Variants in NDST3 observed in about 807,000 individuals in gnomAD.
NDST3 encodes N-deacetylase and N-sulfotransferase 3.
A neutral mutation model predicts 96.1 loss-of-function variants in NDST3; 58 were observed. The observed-to-expected ratio is 0.60, with a 90% CI of 0.49 to 0.75. The LOEUF (loss-of-function observed/expected upper bound fraction) is 0.75. Among genes scored for constraint, NDST3 ranks in the 30% least tolerant of loss-of-function variants. The pLI is 0.00. For missense variants in NDST3, 788 were observed against 1,034.2 expected, an observed-to-expected ratio of 0.76 and a Z score of 3.27; for synonymous variants, 333 against 359.7, an observed-to-expected ratio of 0.93 and a Z score of 0.84.
chr4:118,180,731 G>A (rs932109291), intron 6 of NDST3, among the ~76,000 whole-genome samples: 1 of 152,154 alleles, frequency 6.6e-6, no homozygotes, highest in Non-Finnish European at 1.5e-5. Flanking sequence ...TCTAGAGGCT[G>A]GTGGGTGACC....
At chr4:118,192,888 T>A (rs1404958756) in intron 6 of NDST3, among the ~76,000 whole-genome samples, 2 of 151,958 alleles carry the variant, frequency 1.3e-5, no homozygotes, top group Middle Eastern at 3.2e-3. Flanking sequence ...GTGGTCACCA[T>A]GACACCAGGA....
At position 118,054,087 on chromosome 4, in the gene NDST3, A is replaced by G. The variant is rs10012897; in HGVS notation, c.177A>G (p.Pro59=). Residue 59 remains proline, a synonymous_variant, in exon 2 of 14, where the codon CCA becomes CCG. Coordinates refer to ENST00000296499, the MANE Select transcript of NDST3 (RefSeq NM_004784.3). ...ACTGTGGCGACCTCCAACACCTACC[A>G]TATCAACTAATGGAAGTGAAAGCAA... is the stretch of plus-strand genomic sequence containing the variant. The part of the protein sequence containing the change: ...EVDCGDLQHL[P]YQLMEVKAMK... 7.1e-3 allele frequency: 11,445 copies of G among 1,612,912 alleles called. 642 individuals are homozygous for G. In the African/African-American group the frequency reaches 0.13, roughly 18 times the overall value.
chr4:118,144,745 TAA>T lies in NDST3; in HGVS notation c.1539+1072_1539+1073del, dbSNP rs11298940. Among the ~76,000 whole-genome samples the T allele has an allele frequency of 1.6e-3, 236 of 150,356 alleles. 2 individuals are homozygous for T. Among genetic ancestry groups the T allele is most frequent in the African/African-American group, 4.7e-3 (193 of 40,904 alleles). On this transcript the variant is annotated intron_variant, in intron 6 of 13. Coordinates refer to ENST00000296499, the MANE Select transcript of NDST3 (RefSeq NM_004784.3). ...GAAAAAAAATTATTATTTCCAAATG[TAA>T]AAAAAAAAAATTATCAGTGAAAAAA...
At chr4:118,238,841 C>A (rs1466856308) in intron 10 of NDST3, among the ~76,000 whole-genome samples, 5 of 152,174 alleles carry the variant, frequency 3.3e-5, no homozygotes, top group African/African-American at 1.2e-4. Flanking sequence ...CGCAGAGAAG[C>A]CCAAATACCA....
intron 6 of NDST3, among the ~76,000 whole-genome samples, chr4:118,152,521 T>C (rs1204057275): frequency 6.6e-6 from 1 of 152,186 alleles, no homozygotes; most frequent in East Asian, 1.9e-4. Context: ...CAGTTGACAA[T>C]TGGTAACCAA....
intron 4 of NDST3, among the ~76,000 whole-genome samples, chr4:118,128,709 C>G (rs28851582): frequency 0.035 from 5,391 of 151,902 alleles, 140 homozygotes; most frequent in African/African-American, 0.072. Context: ...ATAGAATGAG[C>G]TTAGAAGTAT....
chr4:118,129,836 A>C (rs145489123), intron 4 of NDST3, among the ~76,000 whole-genome samples: 303 of 152,126 alleles, frequency 2.0e-3, no homozygotes, highest in African/African-American at 7.0e-3. Context: ...CTTTAGCTCT[A>C]ATAATATTTT....
chr4:118,232,384 C>G (rs1740357617), intron 8 of NDST3, among the ~76,000 whole-genome samples: 1 of 151,944 alleles, frequency 6.6e-6, no homozygotes, highest in African/African-American at 2.4e-5. Context: ...AATCCCAGCA[C>G]TTTAGGGGGC....
At chr4:118,033,555 C>T (rs560107433), upstream of NDST3, 5 of 151,900 alleles carry the variant, frequency 3.3e-5, no homozygotes, top group South Asian at 1.0e-3. Flanking sequence ...CCCTCCCCTT[C>T]CCCGGGGCGG....
intron 2 of NDST3, among the ~76,000 whole-genome samples, chr4:118,101,368 G>GAAAAAAA (rs67248472): frequency 7.1e-6 from 1 of 141,546 alleles, no homozygotes; most frequent in Non-Finnish European, 1.5e-5. Flanking sequence ...ATGAAGACTT[G>GAAAAAAA]AAAAAAAAAA....
chr4:118,238,347 T>A (rs1740817479), intron 10 of NDST3, among the ~76,000 whole-genome samples: 1 of 152,188 alleles, frequency 6.6e-6, no homozygotes, highest in Non-Finnish European at 1.5e-5. Context: ...ACAAAAACGA[T>A]CACTTTGAAA....
At chr4:118,154,080 G>A (rs1235716778) in intron 6 of NDST3, among the ~76,000 whole-genome samples, 2 of 151,924 alleles carry the variant, frequency 1.3e-5, no homozygotes, top group Non-Finnish European at 2.9e-5. Flanking sequence ...CACACACAGA[G>A]ACACAACACA....
At chr4:118,065,540 G>A (rs1726243554) in intron 2 of NDST3, among the ~76,000 whole-genome samples, 1 of 152,028 alleles carries the variant, frequency 6.6e-6, no homozygotes, top group African/African-American at 2.4e-5. Flanking sequence ...CATGTTTCTA[G>A]AAGTGCATCA....
intron 6 of NDST3, among the ~76,000 whole-genome samples, chr4:118,157,411 T>C (rs900142088): frequency 1.4e-5 from 2 of 142,424 alleles, no homozygotes; most frequent in Non-Finnish European, 3.0e-5. Flanking sequence ...GTACATTTTT[T>C]ACACAGTTTT....
rs57523165 is a variant in NDST3, at chr4:118,131,254, T to TTTTGG, written c.1225-6771_1225-6767dup. 6.1e-3 allele frequency among the ~76,000 whole-genome samples: 918 copies of TTTTGG among 150,568 alleles called. 11 individuals carry two copies. Among genetic ancestry groups the TTTTGG allele is most frequent in the African/African-American group, 0.021 (879 of 41,202 alleles). On this transcript the variant is annotated intron_variant, in intron 4 of 13. Transcript: ENST00000296499. ...TAGATCTTATAGGTGTGCTATGTTGTTTTGGTTTGGTTTGGTTTGGTTTGG... is the reference window on the plus strand; with the variant it reads ...TAGATCTTATAGGTGTGCTATGTTGTTTTGGTTTGGTTTGGTTTGGTTTGGTTTGG...
At chr4:118,137,954 A>G in intron 4 of NDST3, 100 bp from the exon 5 acceptor site, 1 of 983,960 alleles carries the variant, frequency 1.0e-6, no homozygotes, top group Non-Finnish European at 1.5e-6. Context: ...GTAATGATGC[A>G]TTTAAATATA....
At chr4:118,148,803 T>G (rs1379116004) in intron 6 of NDST3, among the ~76,000 whole-genome samples, 1 of 152,224 alleles carries the variant, frequency 6.6e-6, no homozygotes, top group African/African-American at 2.4e-5. Context: ...GTTCGCTAGT[T>G]CTGGAACACA....
chr4:118,219,929 C>T (rs1432824665), intron 6 of NDST3, among the ~76,000 whole-genome samples: 1 of 152,076 alleles, frequency 6.6e-6, no homozygotes, highest in Admixed American at 6.6e-5. Flanking sequence ...CATCACTGAT[C>T]ATTAGAGAAA....
intron 2 of NDST3, among the ~76,000 whole-genome samples, chr4:118,060,133 G>A (rs1394053867): frequency 1.3e-5 from 2 of 151,966 alleles, no homozygotes; most frequent in Non-Finnish European, 1.5e-5. Context: ...TTTGGGGGGT[G>A]AGGGAATGGA....
Sources: gnomAD v4.1 joint callset for allele counts (sites outside exome capture counted in the v4.1 genomes callset) on GRCh38, gnomAD v4.1.1 for gene constraint, MANE v1.5 for transcripts, NCBI Gene and HGNC (gene_info 2026-07-23, HGNC 2026-07-21) for gene names.